The following SYT1 variants were observed in gnomAD, a reference collection of about 807,000 sequenced individuals.
SYT1 encodes synaptotagmin-1.
A neutral mutation model predicts 44.8 loss-of-function variants in SYT1; 8 were observed. The observed-to-expected ratio is 0.18, with a 90% confidence interval of 0.10 to 0.32. SYT1 has a LOEUF of 0.32. Ranked by LOEUF, SYT1 falls within the 10% of genes least tolerant of loss-of-function variation. SYT1 has a pLI of 1.00. For synonymous variants in SYT1, 154 were observed against 188.8 expected (o/e 0.82, Z 1.51); for missense variants, 286 against 509.3 (o/e 0.56, Z 4.22).
intron 8 of SYT1, among the ~76,000 whole-genome samples, chr12:79,304,935 T>C (rs73152029): frequency 4.6e-5 from 7 of 152,280 alleles, no homozygotes; most frequent in Non-Finnish European, 8.8e-5. Context: ...GAAGTATAGA[T>C]GTGTTTTATT....
chr12:79,361,491 T>G (rs913520088), intron 9 of SYT1, among the ~76,000 whole-genome samples: 1 of 152,196 alleles, frequency 6.6e-6, no homozygotes, highest in Non-Finnish European at 1.5e-5. Flanking sequence ...AAAAGTGACC[T>G]GATTCCAAAT....
At chr12:79,352,249 G>A (rs2136004587) in intron 8 of SYT1, among the ~76,000 whole-genome samples, 1 of 151,892 alleles carries the variant, frequency 6.6e-6, no homozygotes, top group East Asian at 1.9e-4. Flanking sequence ...TTACATCTAG[G>A]CACCTATTTC....
intron 3 of SYT1, among the ~76,000 whole-genome samples, chr12:79,135,354 C>T (rs942353819): frequency 1.3e-5 from 2 of 149,870 alleles, no homozygotes; most frequent in African/African-American, 4.9e-5. Flanking sequence ...ACAGTGCATA[C>T]ACTTTTATTT....
chr12:79,087,074 C>T (rs1592735737), intron 3 of SYT1, among the ~76,000 whole-genome samples: 1 of 152,090 alleles, frequency 6.6e-6, no homozygotes, highest in East Asian at 1.9e-4. Flanking sequence ...GCAGCGTTAC[C>T]TTCACAGCTG....
chr12:79,193,242 G>T (rs1873237161), intron 3 of SYT1, among the ~76,000 whole-genome samples: 1 of 152,092 alleles, frequency 6.6e-6, no homozygotes, highest in South Asian at 2.1e-4. Context: ...TTACAAAAAT[G>T]AAATAGATGT....
intron 2 of SYT1, among the ~76,000 whole-genome samples, chr12:78,979,981 G>A (rs772024377): frequency 2.0e-5 from 3 of 151,910 alleles, no homozygotes; most frequent in East Asian, 1.9e-4. Context: ...AATGAATTAC[G>A]TGAGTGTCTT....
intron 4 of SYT1, among the ~76,000 whole-genome samples, chr12:79,276,001 A>T (rs1017425121): frequency 6.6e-6 from 1 of 152,190 alleles, no homozygotes; most frequent in African/African-American, 2.4e-5. Context: ...CATGGAAAGC[A>T]CCCAGAGCCA....
chr12:79,223,704 A>T (rs928282687), intron 4 of SYT1, among the ~76,000 whole-genome samples: 2 of 152,152 alleles, frequency 1.3e-5, no homozygotes, highest in African/African-American at 2.4e-5. Context: ...CAGTGGCGAT[A>T]CATACCAGAG....
At chr12:78,877,609 A>T (rs1363743984) in intron 1 of SYT1, among the ~76,000 whole-genome samples, 1 of 151,796 alleles carries the variant, frequency 6.6e-6, no homozygotes. Flanking sequence ...TATTTCATTA[A>T]ATAAGTACTG....
At chr12:79,258,505 G>T (rs1476698467) in intron 4 of SYT1, among the ~76,000 whole-genome samples, 1 of 152,134 alleles carries the variant, frequency 6.6e-6, no homozygotes, top group Non-Finnish European at 1.5e-5. Context: ...ATCACGTATG[G>T]TGCGTTTACT....
At chr12:79,182,096 T>G (rs1934674852) in intron 3 of SYT1, among the ~76,000 whole-genome samples, 1 of 152,130 alleles carries the variant, frequency 6.6e-6, no homozygotes, top group African/African-American at 2.4e-5. Context: ...TCTTTGTCCT[T>G]TCAACTGCAA....
intron 9 of SYT1, among the ~76,000 whole-genome samples, chr12:79,419,889 T>C (rs1458728248): frequency 6.6e-6 from 1 of 152,186 alleles, no homozygotes; most frequent in Non-Finnish European, 1.5e-5. Flanking sequence ...TTCAGCCATA[T>C]AAATGGCACT....
At chr12:79,265,628 C>G (rs1291413315) in intron 4 of SYT1, among the ~76,000 whole-genome samples, 1 of 152,062 alleles carries the variant, frequency 6.6e-6, no homozygotes, top group Admixed American at 6.6e-5. Context: ...GATCCCAACT[C>G]TAATAGGAAT....
intron 3 of SYT1, among the ~76,000 whole-genome samples, chr12:79,188,569 A>G (rs769225845): frequency 3.9e-5 from 6 of 152,044 alleles, no homozygotes; most frequent in Non-Finnish European, 7.4e-5. Flanking sequence ...TTTTTTTTAC[A>G]AGGGTTGACC....
chr12:79,107,566 G>A (rs566700166), intron 3 of SYT1, among the ~76,000 whole-genome samples: 240 of 152,012 alleles, frequency 1.6e-3, no homozygotes, highest in African/African-American at 5.3e-3. Flanking sequence ...AAGTATTACC[G>A]TTAAAACCAA....
intron 2 of SYT1, among the ~76,000 whole-genome samples, chr12:79,010,884 G>A (rs1871366531): frequency 6.6e-6 from 1 of 152,072 alleles, no homozygotes; most frequent in Non-Finnish European, 1.5e-5. Flanking sequence ...CCTAATTCCT[G>A]AGCAATCTTG....
chr12:78,909,830 T>C (rs1279797209), intron 1 of SYT1, among the ~76,000 whole-genome samples: 2 of 151,994 alleles, frequency 1.3e-5, no homozygotes, highest in African/African-American at 4.8e-5. Flanking sequence ...AATACCATGT[T>C]ATTCTAACTT....
At position 79,451,431 on chromosome 12, in the gene SYT1, A is replaced by C. The variant is rs1171628323; in HGVS notation, c.*2307A>C. Reference sequence around the variant, plus strand: ...AAAAAGTATTTAAATACCACAAATGACATTTAATTTCACTGTATTCAGCTT... The same window carrying C: ...AAAAAGTATTTAAATACCACAAATGCCATTTAATTTCACTGTATTCAGCTT... On this transcript the variant is annotated 3_prime_UTR_variant, in exon 11 of 11. Transcript: ENST00000261205. 6.6e-6 allele frequency: 1 copy of C among 152,244 alleles called. No homozygotes were observed. The highest frequency in any genetic ancestry group is 1.5e-5 in the Non-Finnish European group (1 of 68,048). The allele number at this position is 152,244 out of a possible 1,614,324, so 9.4% of individuals were successfully genotyped here.
At chr12:79,178,144 C>T (rs569949543) in intron 3 of SYT1, among the ~76,000 whole-genome samples, 1 of 152,234 alleles carries the variant, frequency 6.6e-6, no homozygotes, top group African/African-American at 2.4e-5. Flanking sequence ...AGGATACCTT[C>T]TACCCAGTGT....
Sources: allele counts gnomAD v4.1 joint callset (sites outside exome capture counted in the v4.1 genomes callset), GRCh38; gene constraint gnomAD v4.1.1; transcripts MANE v1.5; gene names NCBI Gene and HGNC (gene_info 2026-07-23, HGNC 2026-07-21).